Variants in DOC2B observed in about 807,000 individuals in gnomAD.
DOC2B encodes double C2 domain beta, also known as double C2-like domain-containing protein beta.
Under a neutral mutation model 28.9 loss-of-function variants are expected in DOC2B, and 21 were observed. That is an observed-to-expected ratio of 0.73 (90% CI 0.52 to 1.05). The LOEUF (loss-of-function observed/expected upper bound fraction) is 1.05. DOC2B is among the 50% of genes least tolerant of loss of function. DOC2B has a pLI of 0.00. For synonymous variants in DOC2B, 194 were observed against 178.1 expected (o/e 1.09, Z -0.71); for missense variants, 384 against 421.1 (o/e 0.91, Z 0.77).
In DOC2B at chr17:147,246, C is replaced by G; in HGVS notation, c.*195G>C. 2.5e-6 allele frequency: 1 copy of G among 394,424 alleles called. No homozygotes were observed. The highest frequency in any genetic ancestry group is 4.4e-5 in the Admixed American group (1 of 22,608). 24.4% of individuals were successfully genotyped at this position (394,424 alleles called of 1,614,324 possible). A position where few individuals can be genotyped will look rare whatever the true frequency, so the allele number is the denominator to read the frequency against. On this transcript the variant is annotated 3_prime_UTR_variant, in exon 9 of 9. Coordinates refer to ENST00000613549, the MANE Select transcript of DOC2B (RefSeq NM_003585.5). ...GAGAGCTGAGAGCCCCCCACCCCAG[C>G]TCCTTGCCCTCCCCGTCCCAGAGTG...
chr17:173,651 T>C (rs1423965088), intron 1 of DOC2B, among the ~76,000 whole-genome samples: 4 of 152,114 alleles, frequency 2.6e-5, no homozygotes, highest in South Asian at 4.1e-4. Context: ...GGGGAGCCCA[T>C]GTGAATTGGG....
chr17:158,861 A>G (rs1284970563), intron 5 of DOC2B, among the ~76,000 whole-genome samples: 1 of 152,138 alleles, frequency 6.6e-6, no homozygotes, highest in Non-Finnish European at 1.5e-5. Flanking sequence ...CCTGGCCAAC[A>G]TGGTGAAACC....
intron 6 of DOC2B, among the ~76,000 whole-genome samples, chr17:149,791 C>A (rs1159101794): frequency 6.6e-6 from 1 of 152,216 alleles, no homozygotes; most frequent in East Asian, 1.9e-4. Context: ...CAGGCGTGAG[C>A]CACCACCCCC....
At chr17:172,494 G>GACC in intron 2 of DOC2B, 43 bp downstream of exon 2, 2 of 1,522,996 alleles carry the variant, frequency 1.3e-6, no homozygotes, top group Non-Finnish European at 8.9e-7. Context: ...CCCTCTTGAG[G>GACC]ACCCCGGGGC....
intron 6 of DOC2B, among the ~76,000 whole-genome samples, chr17:151,605 G>A (rs148697963): frequency 1.5e-3 from 223 of 152,256 alleles, no homozygotes; most frequent in African/African-American, 3.9e-3. Context: ...CGGAGACAGC[G>A]GATTTCCTTA....
At chr17:165,224 G>A (rs2040248633) in intron 2 of DOC2B, among the ~76,000 whole-genome samples, 1 of 152,132 alleles carries the variant, frequency 6.6e-6, no homozygotes, top group South Asian at 2.1e-4. Flanking sequence ...TGTTAAAGGG[G>A]TTGGCCGGGC....
In DOC2B at chr17:147,204, C is replaced by T. The variant is rs954023677; in HGVS notation, c.*237G>A. 6.5e-5 allele frequency: 25 copies of T among 383,634 alleles called. No homozygotes were observed. The highest frequency in any genetic ancestry group is 4.8e-4 in the East Asian group (13 of 27,004). 23.8% of individuals were successfully genotyped at this position (383,634 alleles called of 1,614,324 possible). A position where few individuals can be genotyped will look rare whatever the true frequency, so the allele number is the denominator to read the frequency against. On this transcript the variant is annotated 3_prime_UTR_variant, in exon 9 of 9. Coordinates refer to ENST00000613549, the MANE Select transcript of DOC2B (RefSeq NM_003585.5). ...AGGTGCTGAGGTCTCTTTCCACCAC[C>T]GGCCTCTTGGGCCCCAGAGAGCTGA...
intron 1 of DOC2B, among the ~76,000 whole-genome samples, chr17:178,974 G>C (rs1400562808): frequency 6.6e-6 from 1 of 152,214 alleles, no homozygotes; most frequent in East Asian, 1.9e-4. Context: ...CCCCACCATG[G>C]ACAAGAGCCA....
chr17:163,933 G>C (rs1052610660), intron 3 of DOC2B, among the ~76,000 whole-genome samples, 197 bp downstream of exon 3: 1 of 152,330 alleles, frequency 6.6e-6, no homozygotes, highest in East Asian at 1.9e-4. Flanking sequence ...ACAGGGTGTG[G>C]GGCAGACTGG....
chr17:179,290 A>C (rs2040406348), intron 1 of DOC2B, among the ~76,000 whole-genome samples: 1 of 151,974 alleles, frequency 6.6e-6, no homozygotes, highest in African/African-American at 2.4e-5. Flanking sequence ...CCCTGCTGCC[A>C]GGACATGCTC....
intron 5 of DOC2B, among the ~76,000 whole-genome samples, chr17:158,298 C>CACACGCCCAGCTTGAGCCCACACAG (rs2040159854): frequency 1.3e-5 from 2 of 152,080 alleles, no homozygotes; most frequent in Admixed American, 1.3e-4. Flanking sequence ...AGCCCACCCA[C>CACACGCCCAGCTTGAGCCCACACAG]ACACGCCCAG....
intron 5 of DOC2B, among the ~76,000 whole-genome samples, chr17:161,178 G>T (rs1035711106): frequency 6.6e-6 from 1 of 152,234 alleles, no homozygotes; most frequent in East Asian, 1.9e-4. Flanking sequence ...AGGCCAGCGA[G>T]CCTGGTAAAA....
rs933868300 is a variant in DOC2B at position 150,198 on chromosome 17, C to A, written c.924-1006G>T. ...GGAGAAGGGGACAAGAGGTCCCCAA[C>A]TTCTTTGCAAAGCTTCTCACCCTGT... On this transcript the variant is annotated intron_variant, in intron 6 of 8. Coordinates refer to ENST00000613549, the MANE Select transcript of DOC2B (RefSeq NM_003585.5). Among the ~76,000 whole-genome samples the A allele has an allele frequency of 5.6e-4, 85 of 152,340 alleles. 1 individual carries two copies. The highest frequency in any genetic ancestry group is 1.9e-3 in the African/African-American group (81 of 41,582).
At position 175,469 on chromosome 17, in the gene DOC2B, C is replaced by T. The variant is rs149192388; in HGVS notation, c.374-2853G>A. ...ATCTGTACTTTTGTAACAATATTCT[C>T]TGAAGCTGTTGGCTTTACATGATAG... On this transcript the variant is annotated intron_variant, in intron 1 of 8. Transcript: ENST00000613549. Among the ~76,000 whole-genome samples, 246 of 152,380 alleles carry T rather than the reference C, an allele frequency of 1.6e-3. 1 individual carries two copies. The highest frequency in any genetic ancestry group is 5.7e-3 in the African/African-American group (237 of 41,592).
chr17:153,918 C>T (rs530389083), intron 6 of DOC2B, among the ~76,000 whole-genome samples: 1 of 152,162 alleles, frequency 6.6e-6, no homozygotes, highest in South Asian at 2.1e-4. Flanking sequence ...TTCATAGTAC[C>T]ACATTCTACA....
In DOC2B at chr17:147,613, G is replaced by A. The variant is rs2040029984; in HGVS notation, c.1103-36C>T. 4 of 398,748 alleles carry A rather than the reference G, an allele frequency of 1.0e-5. No individual in the cohort carries two copies. The Admixed American group carries it at 1.3e-4, about 13-fold the overall frequency. 24.7% of individuals were successfully genotyped at this position (398,748 alleles called of 1,614,324 possible). ...ACAGGAGGGGCAGCTGGGGCACAGG[G>A]ACCCCCAACTCCCAGGCGTGGGGCC... On this transcript the variant is annotated intron_variant, in intron 8 of 8. Transcript: ENST00000613549.
At chr17:173,822 G>C (rs2040339570) in intron 1 of DOC2B, among the ~76,000 whole-genome samples, 1 of 152,152 alleles carries the variant, frequency 6.6e-6, no homozygotes, top group South Asian at 2.1e-4. Flanking sequence ...CCCGGGATAA[G>C]GGAAGGCCAA....
At chr17:177,787 G>A (rs551198717) in intron 1 of DOC2B, among the ~76,000 whole-genome samples, 2 of 152,376 alleles carry the variant, frequency 1.3e-5, no homozygotes, top group African/African-American at 4.8e-5. Context: ...GGGCCAAAGA[G>A]GTTCTGGGCT....
At chr17:163,836 C>T (rs1456566681) in intron 3 of DOC2B, 4 of 389,246 alleles carry the variant, frequency 1.0e-5, no homozygotes, top group African/African-American at 2.0e-5. Flanking sequence ...GAGAATGCTT[C>T]TTATAAAATG....
Sources: allele counts gnomAD v4.1 joint callset (sites outside exome capture counted in the v4.1 genomes callset), GRCh38; gene constraint gnomAD v4.1.1; transcripts MANE v1.5; gene names NCBI Gene and HGNC (gene_info 2026-07-23, HGNC 2026-07-21).